Variants in ZNF385D observed in about 807,000 individuals in gnomAD.
The protein encoded by ZNF385D is zinc finger protein 659.
A neutral mutation model predicts 35.8 loss-of-function variants in ZNF385D; 15 were observed. That is an observed-to-expected ratio of 0.42 (90% confidence interval 0.28 to 0.64). The LOEUF (loss-of-function observed/expected upper bound fraction) is 0.64, where lower values mean the gene tolerates loss of function less well. Ranked by LOEUF, ZNF385D falls within the 30% of genes least tolerant of loss-of-function variation. The probability of loss-of-function intolerance (pLI) is 0.23; values close to 1 mark genes in which losing one functional copy is unlikely to be tolerated. For synonymous variants in ZNF385D, 212 were observed against 186.8 expected, an observed-to-expected ratio of 1.13 and a Z score of -1.10; for missense variants, 474 against 494.6, an observed-to-expected ratio of 0.96 and a Z score of 0.39.
intron 3 of ZNF385D, among the ~76,000 whole-genome samples, chr3:21,538,412 G>A (rs1031616566): frequency 2.0e-5 from 3 of 152,084 alleles, no homozygotes; most frequent in Admixed American, 2.0e-4. Flanking sequence ...CATGAGATAG[G>A]ATAGGTTGTG....
At chr3:21,858,856 T>A (rs1356879648) in intron 3 of ZNF385D, among the ~76,000 whole-genome samples, 1 of 152,116 alleles carries the variant, frequency 6.6e-6, no homozygotes, top group African/African-American at 2.4e-5. Flanking sequence ...CCTGCCATGG[T>A]GCAGTTCTAT....
At chr3:22,061,701 T>A (rs1463205767) in intron 3 of ZNF385D, among the ~76,000 whole-genome samples, 1 of 152,208 alleles carries the variant, frequency 6.6e-6, no homozygotes, top group Non-Finnish European at 1.5e-5. Context: ...AGAGGCCTTC[T>A]ATGACCATCA....
chr3:21,500,402 T>C (rs1476982149), intron 4 of ZNF385D, among the ~76,000 whole-genome samples: 1 of 152,152 alleles, frequency 6.6e-6, no homozygotes, highest in Non-Finnish European at 1.5e-5. Context: ...ATCAAGAAGC[T>C]GAAAATTTCA....
intron 4 of ZNF385D, among the ~76,000 whole-genome samples, chr3:21,442,235 C>T (rs1232240339): frequency 6.6e-6 from 1 of 152,194 alleles, no homozygotes; most frequent in Non-Finnish European, 1.5e-5. Flanking sequence ...CCTCTGGTTA[C>T]AGACTTCATA....
intron 3 of ZNF385D, among the ~76,000 whole-genome samples, chr3:21,517,757 T>C (rs1224316729): frequency 1.3e-5 from 2 of 152,190 alleles, no homozygotes; most frequent in African/African-American, 4.8e-5. Context: ...CTCAGTGGCT[T>C]TTTGAATAAT....
At chr3:22,075,381 T>A (rs1700413289) in intron 3 of ZNF385D, among the ~76,000 whole-genome samples, 1 of 151,924 alleles carries the variant, frequency 6.6e-6, no homozygotes, top group Non-Finnish European at 1.5e-5. Context: ...TTCACTCTAA[T>A]CTGATTCCTA....
At chr3:21,936,534 T>C (rs1021482055) in intron 3 of ZNF385D, among the ~76,000 whole-genome samples, 1 of 152,048 alleles carries the variant, frequency 6.6e-6, no homozygotes, top group Non-Finnish European at 1.5e-5. Flanking sequence ...ATGGAACACA[T>C]AGTTTTTTTT....
intron 4 of ZNF385D, among the ~76,000 whole-genome samples, chr3:21,458,058 G>C (rs1179289027): frequency 6.6e-6 from 1 of 151,988 alleles, no homozygotes; most frequent in African/African-American, 2.4e-5. Flanking sequence ...ACATTCAGCA[G>C]CTGAAAAAAA....
intron 1 of ZNF385D, among the ~76,000 whole-genome samples, chr3:21,665,474 C>G (rs528730771): frequency 1.3e-5 from 2 of 152,196 alleles, no homozygotes; most frequent in African/African-American, 4.8e-5. Context: ...ATCCAAAACT[C>G]TGGCAGCAAG....
intron 3 of ZNF385D, among the ~76,000 whole-genome samples, chr3:22,039,147 G>C (rs924515806): frequency 2.7e-4 from 40 of 148,870 alleles, no homozygotes; most frequent in African/African-American, 9.3e-4. Flanking sequence ...TATGTAAAAA[G>C]TAGCAAAAAA....
chr3:22,207,452 T>G lies in ZNF385D; in HGVS notation c.107-38417A>C, dbSNP rs557278737. 3.3e-5 allele frequency among the ~76,000 whole-genome samples: 5 copies of G among 152,020 alleles called. No individual in the cohort carries two copies. In the South Asian group the frequency reaches 1.0e-3, roughly 32 times the overall value. ...ACAAAAATCAAATCAAAATGGATTA[T>G]AGACTTAAATCTAAGACCTCAAACC... is the stretch of plus-strand genomic sequence containing the variant. On this transcript the variant is annotated intron_variant, in intron 2 of 5. Transcript: ENST00000494108.
chr3:22,331,867 G>C (rs999145442), intron 2 of ZNF385D, among the ~76,000 whole-genome samples: 1 of 152,090 alleles, frequency 6.6e-6, no homozygotes, highest in East Asian at 1.9e-4. Context: ...TTGAGTTTAG[G>C]TAATTTCTAT....
intron 3 of ZNF385D, among the ~76,000 whole-genome samples, chr3:21,770,392 GA>G (rs912577699): frequency 6.6e-6 from 1 of 151,878 alleles, no homozygotes; most frequent in Non-Finnish European, 1.5e-5. Context: ...AAATTTACAA[GA>G]AAAAAACAAG....
At position 21,968,278 on chromosome 3, in the gene ZNF385D, C is replaced by G. The variant is rs369281177; in HGVS notation, c.325+200539G>C. ...AGTCTGAATATGAGTTTTGGCAAGC[C>G]CTCCACCATGGGCTAAAGGGCTCTG... On this transcript the variant is annotated intron_variant, in intron 3 of 5. Coordinates refer to the ZNF385D transcript ENST00000494108. 5.3e-5 allele frequency among the ~76,000 whole-genome samples: 8 copies of G among 152,222 alleles called. No homozygotes were observed. The East Asian group carries it at 9.7e-4, about 18-fold the overall frequency.
chr3:22,041,022 A>G lies in ZNF385D; in HGVS notation c.325+127795T>C, dbSNP rs143390139. ...ATCGCATTTACTGGCTCAAGTAACT[A>G]TATAACCTAAAGGACAACATTAAAG... On this transcript the variant is annotated intron_variant, in intron 3 of 5. Transcript: ENST00000494108. Among the ~76,000 whole-genome samples the G allele has an allele frequency of 1.7e-3, 265 of 152,232 alleles. 1 individual carries two copies. Among genetic ancestry groups the G allele is most frequent in the African/African-American group, 6.1e-3 (254 of 41,542 alleles).
chr3:22,312,213 T>C (rs1703598940), intron 2 of ZNF385D, among the ~76,000 whole-genome samples: 1 of 152,182 alleles, frequency 6.6e-6, no homozygotes, highest in South Asian at 2.1e-4. Context: ...GATAATCATC[T>C]TCCCTCTTCA....
intron 3 of ZNF385D, among the ~76,000 whole-genome samples, chr3:22,031,716 C>G (rs1559317785): frequency 6.6e-6 from 1 of 152,200 alleles, no homozygotes. Flanking sequence ...CATTTGCCTT[C>G]TTGTTACTTA....
At chr3:21,959,790 C>A (rs1385876223) in intron 3 of ZNF385D, among the ~76,000 whole-genome samples, 1 of 152,150 alleles carries the variant, frequency 6.6e-6, no homozygotes, top group Admixed American at 6.6e-5. Context: ...AATAGAGAAT[C>A]TGACCTAGAA....
At chr3:21,713,932 T>C (rs905365698) in intron 1 of ZNF385D, among the ~76,000 whole-genome samples, 8 of 152,170 alleles carry the variant, frequency 5.3e-5, no homozygotes, top group African/African-American at 1.9e-4. Flanking sequence ...AGTCTATGGA[T>C]CCTACCACCT....
Sources: gnomAD v4.1 joint callset for allele counts (sites outside exome capture counted in the v4.1 genomes callset) on GRCh38, gnomAD v4.1.1 for gene constraint, MANE v1.5 for transcripts, NCBI Gene and HGNC (gene_info 2026-07-23, HGNC 2026-07-21) for gene names.